COL4A4: variants seen among roughly 807,000 people sequenced by gnomAD.
COL4A4 encodes collagen type IV alpha 4 chain.
In COL4A4, 105 loss-of-function variants were observed where a neutral mutation model predicts 192.9. The ratio of observed to expected loss-of-function variants is 0.54; its 90% CI spans 0.46 to 0.64. The LOEUF (loss-of-function observed/expected upper bound fraction) is 0.64. Ranked by LOEUF, COL4A4 falls within the 30% of genes least tolerant of loss-of-function variation. COL4A4 has a pLI of 0.00. For synonymous variants in COL4A4, 762 were observed against 769.9 expected (o/e 0.99, Z 0.17); for missense variants, 1,967 against 2,169.3 (o/e 0.91, Z 1.85).
At chr2:227,017,957 G>A (rs1181395429) in intron 44 of COL4A4, among the ~76,000 whole-genome samples, 1 of 152,134 alleles carries the variant, frequency 6.6e-6, no homozygotes, top group Non-Finnish European at 1.5e-5. Context: ...AGGCTGGAGG[G>A]GAGGAGGAGG....
intron 35 of COL4A4, among the ~76,000 whole-genome samples, chr2:227,046,754 T>C (rs903534177): frequency 1.4e-4 from 21 of 152,064 alleles, no homozygotes; most frequent in African/African-American, 4.8e-4. Flanking sequence ...ATGGTTTCCC[T>C]TTCCCTGTAA....
the COL4A4 span, among the ~76,000 whole-genome samples, chr2:226,974,234 T>TATTTTATTTC: frequency 6.6e-6 from 1 of 151,582 alleles, no homozygotes; most frequent in Non-Finnish European, 1.5e-5. Flanking sequence ...TTTTTTATTT[T>TATTTTATTTC]ATTTTATTTT....
Position 227,006,889 on chromosome 2 carries a change from T to C in COL4A4, c.*436A>G, listed in dbSNP as rs1411884469. 5.9e-6 allele frequency: 1 copy of C among 168,378 alleles called. No homozygotes were observed. Among genetic ancestry groups the C allele is most frequent in the Non-Finnish European group, 1.3e-5 (1 of 76,606 alleles). 10.4% of individuals were successfully genotyped at this position (168,378 alleles called of 1,614,324 possible). On this transcript the variant is annotated 3_prime_UTR_variant, in exon 48 of 48. Transcript: ENST00000396625. ...TGAAAATCTCTGCTTTCTAGTTTCA[T>C]TCATTGACCTGTTTATTTTTTCCTA...
Position 227,054,608 on chromosome 2 carries a change from A to G in COL4A4, c.2846T>C (p.Leu949Pro), listed in dbSNP as rs779716354. 3.7e-6 allele frequency: 6 copies of G among 1,614,132 alleles called. No individual in the cohort carries two copies. The Admixed American group carries it at 1.0e-4, about 27-fold the overall frequency. Residue 949 changes from leucine to proline, a missense_variant, in exon 31 of 48, where the codon CTG (leucine) becomes CCG (proline). Physicochemically the swap from Leu to Pro is moderately conservative, Grantham distance 98 (BLOSUM62 -3). Coordinates refer to ENST00000396625, the MANE Select transcript of COL4A4 (RefSeq NM_000092.5). Reference protein sequence around the residue: ...GMSGLPGDRGLRGAKGAIGPP... With the variant: ...GMSGLPGDRGPRGAKGAIGPP... ...ATTTTATTTACCTTTGGCCCCTCTC[A>G]GTCCCCGGTCTCCAGGAAGGCCAGA...
intron 25 of COL4A4, among the ~76,000 whole-genome samples, chr2:227,065,035 G>C (rs542845271): frequency 6.6e-6 from 1 of 152,268 alleles, no homozygotes; most frequent in African/African-American, 2.4e-5. Context: ...TGCGCGCACC[G>C]TGCACGAGCC....
At chr2:227,075,283 A>G (rs2058961340) in intron 25 of COL4A4, among the ~76,000 whole-genome samples, 1 of 152,216 alleles carries the variant, frequency 6.6e-6, no homozygotes, top group African/African-American at 2.4e-5. Flanking sequence ...CCAGCAGCAC[A>G]TCAAAAAGCA....
intron 6 of COL4A4, 109 bp downstream of exon 6, chr2:227,119,782 ATATT>A: frequency 2.3e-6 from 1 of 441,448 alleles, no homozygotes; most frequent in Non-Finnish European, 3.9e-6. Context: ...TATAATATAT[ATATT>A]GTGGTTTCTA....
At chr2:227,031,008 T>G (rs1968213596) in intron 40 of COL4A4, among the ~76,000 whole-genome samples, 1 of 149,644 alleles carries the variant, frequency 6.7e-6, no homozygotes, top group African/African-American at 2.5e-5. Context: ...GATGGATGGA[T>G]GGATGGATAT....
In COL4A4 at chr2:227,104,062, A is replaced by G; in HGVS notation, c.736-10T>C. 2 of 1,610,950 alleles carry G rather than the reference A, an allele frequency of 1.2e-6. No homozygotes were observed. The highest frequency in any genetic ancestry group is 1.7e-6 in the Non-Finnish European group (2 of 1,178,630). ...GCTGACCAACCTCACCCTTAAAAAA[A>G]AAAGCAAGATAATGAAAATTTCATA... On this transcript the variant is annotated splice_polypyrimidine_tract_variant and intron_variant, in intron 12 of 47. Transcript: ENST00000396625.
At chr2:227,026,291 A>G (rs192645137) in intron 42 of COL4A4, among the ~76,000 whole-genome samples, 1 of 152,154 alleles carries the variant, frequency 6.6e-6, no homozygotes, top group African/African-American at 2.4e-5. Context: ...AGGTCAGGAG[A>G]TCGAGACCAT....
intron 4 of COL4A4, among the ~76,000 whole-genome samples, chr2:227,136,045 G>A (rs756777170): frequency 6.6e-6 from 1 of 152,182 alleles, no homozygotes; most frequent in African/African-American, 2.4e-5. Flanking sequence ...TTTACAAAGG[G>A]GAGAAGTGAA....
At chr2:227,101,218 C>T (rs533663275) in intron 17 of COL4A4, among the ~76,000 whole-genome samples, 13 of 152,228 alleles carry the variant, frequency 8.5e-5, no homozygotes, top group African/African-American at 2.2e-4. Flanking sequence ...CCATGTAAGA[C>T]GTGACTTGCT....
At chr2:227,039,757 G>A (rs143028193) in intron 37 of COL4A4, among the ~76,000 whole-genome samples, 25 of 152,280 alleles carry the variant, frequency 1.6e-4, no homozygotes, top group African/African-American at 5.3e-4. Context: ...CAAAGAATAC[G>A]CCATGAAGGC....
chr2:227,014,944 G>T (rs533634166), intron 44 of COL4A4, among the ~76,000 whole-genome samples: 1 of 140,078 alleles, frequency 7.1e-6, no homozygotes, highest in East Asian at 2.1e-4. Context: ...TGTTGGCCAT[G>T]CTGGAGTGCA....
downstream of COL4A4, among the ~76,000 whole-genome samples, chr2:227,000,790 G>T (rs926099949): frequency 1.1e-4 from 17 of 151,876 alleles, no homozygotes; most frequent in East Asian, 3.1e-3. Flanking sequence ...GACTCGGTGG[G>T]AGGTCTCATG....
chr2:227,007,330 T>C lies in COL4A4; in HGVS notation c.5068A>G (p.Ser1690Gly). 6.2e-7 allele frequency: 1 copy of C among 1,614,228 alleles called. No homozygotes were observed. The highest frequency in any genetic ancestry group is 8.5e-7 in the Non-Finnish European group (1 of 1,180,038). ...ISRCQVCVKY[S>G] ...GTTGGTGAATTTCGCATTCTCTAGC[T>C]ATACTTCACGCAGACCTGGCACCGG... The change falls in exon 48 of 48, where the codon AGC becomes GGC. Residue 1690 changes from serine to glycine, a missense_variant. Coordinates refer to ENST00000396625, the MANE Select transcript of COL4A4 (RefSeq NM_000092.5).
intron 4 of COL4A4, among the ~76,000 whole-genome samples, chr2:227,127,777 G>A (rs1186937324): frequency 6.6e-6 from 1 of 152,084 alleles, no homozygotes; most frequent in African/African-American, 2.4e-5. Context: ...TACAAATACA[G>A]GTACAGCCAC....
intron 33 of COL4A4, 29 bp from the exon 34 acceptor site, chr2:227,050,160 A>G (rs756046351): frequency 3.8e-6 from 6 of 1,599,054 alleles, no homozygotes; most frequent in Non-Finnish European, 5.1e-6. Flanking sequence ...AAAAGGCCTT[A>G]ATCAGATTTC....
intron 4 of COL4A4, among the ~76,000 whole-genome samples, chr2:227,137,845 T>G (rs1490268347): frequency 6.6e-6 from 1 of 151,958 alleles, no homozygotes; most frequent in Non-Finnish European, 1.5e-5. Context: ...GGCACTGAGG[T>G]TTTTTTTCCT....
Sources: allele counts gnomAD v4.1 joint callset (sites outside exome capture counted in the v4.1 genomes callset), GRCh38; gene constraint gnomAD v4.1.1; transcripts MANE v1.5; gene names NCBI Gene and HGNC (gene_info 2026-07-23, HGNC 2026-07-21).